Variants in ZSWIM6 observed in about 807,000 individuals in gnomAD.
The protein encoded by ZSWIM6 is zinc finger SWIM-type containing 6.
A neutral mutation model predicts 113.2 loss-of-function variants in ZSWIM6; 9 were observed. The ratio of observed to expected loss-of-function variants is 0.08; its 90% CI spans 0.05 to 0.14. The LOEUF (loss-of-function observed/expected upper bound fraction) is 0.14, where lower values mean the gene tolerates loss of function less well. Ranked by LOEUF, ZSWIM6 falls within the 10% of genes least tolerant of loss-of-function variation. The pLI is 1.00. For missense variants in ZSWIM6, 1,162 were observed against 1,552.2 expected, an observed-to-expected ratio of 0.75 and a Z score of 4.22; for synonymous variants, 611 against 606.5, an observed-to-expected ratio of 1.01 and a Z score of -0.11.
intron 2 of ZSWIM6, among the ~76,000 whole-genome samples, chr5:61,487,415 TG>T (rs1748049886): frequency 6.6e-6 from 1 of 152,090 alleles, no homozygotes; most frequent in African/African-American, 2.4e-5. Context: ...TAGGATTGTT[TG>T]GTCTAATTCT....
chr5:61,391,603 A>G, intron 1 of ZSWIM6: 1 of 903,186 alleles, frequency 1.1e-6, no homozygotes. Flanking sequence ...CACGAAGCCC[A>G]CAATGGCCAC....
chr5:61,418,358 C>T (rs1746294695), intron 1 of ZSWIM6, among the ~76,000 whole-genome samples: 1 of 152,122 alleles, frequency 6.6e-6, no homozygotes, highest in African/African-American at 2.4e-5. Flanking sequence ...ACCTCCGCTT[C>T]CCGGGTTCAA....
intron 1 of ZSWIM6, among the ~76,000 whole-genome samples, chr5:61,415,602 A>AG (rs1307120934): frequency 1.3e-5 from 2 of 151,970 alleles, no homozygotes; most frequent in African/African-American, 4.8e-5. Flanking sequence ...CAAAAAAAAA[A>AG]AAAACGCTAC....
At chr5:61,452,458 C>T (rs1196355819) in intron 1 of ZSWIM6, among the ~76,000 whole-genome samples, 1 of 152,100 alleles carries the variant, frequency 6.6e-6, no homozygotes, top group East Asian at 1.9e-4. Flanking sequence ...TGAAAAAATT[C>T]TCTTAATCAT....
chr5:61,338,492 TTGAGA>T (rs1744454110), intron 1 of ZSWIM6, among the ~76,000 whole-genome samples: 1 of 152,128 alleles, frequency 6.6e-6, no homozygotes, highest in Admixed American at 6.5e-5. Context: ...TTTGTGTGAG[TTGAGA>T]TGTTTGATTT....
At chr5:61,421,735 G>A (rs993799246) in intron 1 of ZSWIM6, among the ~76,000 whole-genome samples, 5 of 152,052 alleles carry the variant, frequency 3.3e-5, no homozygotes, top group Admixed American at 2.6e-4. Flanking sequence ...GTTTTATTTG[G>A]TTTTCTGTTA....
At chr5:61,342,824 A>G (rs1004455359) in intron 1 of ZSWIM6, among the ~76,000 whole-genome samples, 1 of 152,034 alleles carries the variant, frequency 6.6e-6, no homozygotes, top group Non-Finnish European at 1.5e-5. Context: ...GTGGTTCAGC[A>G]GTGTTAAGTA....
At chr5:61,368,638 T>A (rs1196547383) in intron 1 of ZSWIM6, among the ~76,000 whole-genome samples, 1 of 152,190 alleles carries the variant, frequency 6.6e-6, no homozygotes, top group African/African-American at 2.4e-5. Context: ...TGGGTAAAAA[T>A]CTATGGATTT....
chr5:61,393,100 T>C (rs999867268), intron 1 of ZSWIM6, among the ~76,000 whole-genome samples: 7 of 151,506 alleles, frequency 4.6e-5, no homozygotes, highest in South Asian at 4.2e-4. Flanking sequence ...AGTGCAGTGG[T>C]GCGATCTTGG....
chr5:61,457,666 C>T (rs1747232738), intron 1 of ZSWIM6, among the ~76,000 whole-genome samples: 1 of 151,980 alleles, frequency 6.6e-6, no homozygotes, highest in African/African-American at 2.4e-5. Context: ...GGATTACAGG[C>T]ACCTGCCTCT....
chr5:61,384,209 C>T (rs1745546633), intron 1 of ZSWIM6, among the ~76,000 whole-genome samples: 1 of 148,104 alleles, frequency 6.8e-6, no homozygotes, highest in Admixed American at 6.7e-5. Context: ...CCACTGCAGT[C>T]CGCAGTCCAG....
At chr5:61,411,061 G>T (rs748228762) in intron 1 of ZSWIM6, among the ~76,000 whole-genome samples, 4 of 152,190 alleles carry the variant, frequency 2.6e-5, no homozygotes, top group Non-Finnish European at 5.9e-5. Flanking sequence ...GATGCTGACT[G>T]GTCTCTCCAT....
intron 4 of ZSWIM6, among the ~76,000 whole-genome samples, chr5:61,501,206 G>A (rs536896095): frequency 2.0e-4 from 31 of 152,188 alleles, no homozygotes; most frequent in Non-Finnish European, 3.7e-4. Context: ...CTGTATTCTT[G>A]GGTCATAGAC....
At chr5:61,437,668 G>T (rs1449727324) in intron 1 of ZSWIM6, among the ~76,000 whole-genome samples, 1 of 137,446 alleles carries the variant, frequency 7.3e-6, no homozygotes, top group Non-Finnish European at 1.5e-5. Context: ...AGTAAGCTGT[G>T]ATCATGCCAC....
At chr5:61,447,047 C>T (rs966353578) in intron 1 of ZSWIM6, among the ~76,000 whole-genome samples, 2 of 151,928 alleles carry the variant, frequency 1.3e-5, no homozygotes, top group Non-Finnish European at 2.9e-5. Context: ...AAGGCCAAAC[C>T]CCCTCAGACT....
rs141083807 is a variant in ZSWIM6 at position 61,539,995 on chromosome 5, TA to T, written c.2703+244del. The stretch of plus-strand genomic sequence containing the variant: ...AGCAGCCTAATTTGTGTCTTTCAAT[TA>T]AAAAAAATCATTTTCTGAATTGCAG... On this transcript the variant is annotated intron_variant, in intron 12 of 13. Coordinates refer to ENST00000252744, the MANE Select transcript of ZSWIM6 (RefSeq NM_020928.2). Among the ~76,000 whole-genome samples, 15,874 of 152,126 alleles carry T rather than the reference TA, an allele frequency of 0.1. 1,163 individuals are homozygous for T. The highest frequency in any genetic ancestry group is 0.19 in the Admixed American group (2,971 of 15,280).
At chr5:61,389,174 G>T (rs1012610306) in intron 1 of ZSWIM6, among the ~76,000 whole-genome samples, 1 of 152,012 alleles carries the variant, frequency 6.6e-6, no homozygotes, top group African/African-American at 2.4e-5. Context: ...TTTTTGGGAA[G>T]GTGCTCTCTC....
intron 3 of ZSWIM6, among the ~76,000 whole-genome samples, chr5:61,492,795 T>C (rs769507570): frequency 6.6e-6 from 1 of 152,114 alleles, no homozygotes; most frequent in African/African-American, 2.4e-5. Flanking sequence ...AATTTCCATT[T>C]CTTGAGGGTG....
chr5:61,492,092 G>A (rs765988591), intron 3 of ZSWIM6, among the ~76,000 whole-genome samples: 13 of 152,022 alleles, frequency 8.6e-5, no homozygotes, highest in Non-Finnish European at 1.9e-4. Context: ...GGCTATAGAT[G>A]TACATGAGTG....
Sources: allele counts gnomAD v4.1 joint callset (sites outside exome capture counted in the v4.1 genomes callset), GRCh38; gene constraint gnomAD v4.1.1; transcripts MANE v1.5; gene names NCBI Gene and HGNC (gene_info 2026-07-23, HGNC 2026-07-21).